SYT6: variants seen among roughly 807,000 people sequenced by gnomAD.
SYT6 encodes synaptotagmin-6.
SYT6 carries 24 observed loss-of-function variants against 38.4 expected under a neutral mutation model. The ratio of observed to expected loss-of-function variants is 0.62; its 90% CI spans 0.45 to 0.88. The LOEUF is 0.88. Ranked by LOEUF, SYT6 falls within the 40% of genes least tolerant of loss-of-function variation. The pLI is 0.00. For missense variants in SYT6, 611 were observed against 621.0 expected, an observed-to-expected ratio of 0.98 and a Z score of 0.17; for synonymous variants, 265 against 241.9, an observed-to-expected ratio of 1.10 and a Z score of -0.89.
chr1:114,111,597 C>T (rs1676679490), intron 3 of SYT6, among the ~76,000 whole-genome samples: 2 of 152,232 alleles, frequency 1.3e-5, no homozygotes, highest in Non-Finnish European at 2.9e-5. Flanking sequence ...GCCAGCTGTC[C>T]TGTCACCCCC....
chr1:114,129,538 CTTTTT>C (rs1365881859), intron 3 of SYT6, among the ~76,000 whole-genome samples: 1 of 149,550 alleles, frequency 6.7e-6, no homozygotes, highest in Non-Finnish European at 1.5e-5. Context: ...TTCTTTCTTT[CTTTTT>C]TTTCTGTCTT....
intron 1 of SYT6, among the ~76,000 whole-genome samples, chr1:114,143,600 C>G (rs1476383886): frequency 6.7e-6 from 1 of 150,028 alleles, no homozygotes; most frequent in East Asian, 1.9e-4. Context: ...TTTATATGCA[C>G]TGGGAAACCA....
In SYT6 at chr1:114,092,005, C is replaced by T. The variant is rs1386784482; in HGVS notation, c.*129G>A. 1.3e-6 allele frequency: 2 copies of T among 1,536,124 alleles called. No individual in the cohort carries two copies. Among genetic ancestry groups the T allele is most frequent in the East Asian group, 2.4e-5 (1 of 41,066 alleles). On this transcript the variant is annotated 3_prime_UTR_variant, in exon 8 of 8. Coordinates refer to ENST00000610222, the MANE Select transcript of SYT6 (RefSeq NM_001253772.2). ...GAGTCCCATTTGTGTTATTTGGCTG[C>T]ACATCTCATGGTGTTGGAGGTGGTT...
At chr1:114,124,384 G>T (rs1463538211) in intron 3 of SYT6, among the ~76,000 whole-genome samples, 2 of 152,186 alleles carry the variant, frequency 1.3e-5, no homozygotes, top group Non-Finnish European at 2.9e-5. Context: ...GCTGGGGCTG[G>T]ACAGAAGTCA....
intron 1 of SYT6, among the ~76,000 whole-genome samples, chr1:114,148,241 G>C (rs1002034709): frequency 6.6e-6 from 1 of 152,154 alleles, no homozygotes; most frequent in Non-Finnish European, 1.5e-5. Context: ...CATAGTGTTA[G>C]AATTCATCAG....
chr1:114,142,569 G>A (rs1266632057), intron 1 of SYT6, among the ~76,000 whole-genome samples: 1 of 152,226 alleles, frequency 6.6e-6, no homozygotes, highest in Non-Finnish European at 1.5e-5. Flanking sequence ...CAGGGGTTGA[G>A]AGGATTGACT....
chr1:114,153,812 C>G lies in SYT6; in HGVS notation c.-40G>C. Reference sequence around the variant, plus strand: ...GGCTTGCCGAGCAGCAGCTCGAACCCGCGCCCCGGCCGCACTGGGGCGGGG... The same window carrying G: ...GGCTTGCCGAGCAGCAGCTCGAACCGGCGCCCCGGCCGCACTGGGGCGGGG... On this transcript the variant is annotated 5_prime_UTR_variant, in exon 1 of 8. Transcript: ENST00000610222. 1.7e-6 allele frequency: 1 copy of G among 605,924 alleles called. No individual in the cohort carries two copies. Among genetic ancestry groups the G allele is most frequent in the South Asian group, 1.9e-5 (1 of 52,722 alleles). 37.5% of individuals were successfully genotyped at this position (605,924 alleles called of 1,614,324 possible).
intron 6 of SYT6, among the ~76,000 whole-genome samples, chr1:114,094,375 G>A (rs1675501595): frequency 6.6e-6 from 1 of 152,196 alleles, no homozygotes; most frequent in Non-Finnish European, 1.5e-5. Flanking sequence ...TTCCAACAGA[G>A]ATTTAACATC....
At chr1:114,137,423 G>A in intron 3 of SYT6, 72 bp downstream of exon 3, 1 of 1,515,456 alleles carries the variant, frequency 6.6e-7, no homozygotes, top group Non-Finnish European at 9.0e-7. Flanking sequence ...AGGAAGTGAG[G>A]GTTTGGGGAC....
chr1:114,113,856 A>T (rs1273644495), intron 3 of SYT6, among the ~76,000 whole-genome samples: 1 of 151,804 alleles, frequency 6.6e-6, no homozygotes, highest in Non-Finnish European at 1.5e-5. Context: ...CTTGTTTAAA[A>T]CCTCCAATGG....
intron 3 of SYT6, among the ~76,000 whole-genome samples, chr1:114,112,799 C>T (rs1371859237): frequency 6.6e-6 from 1 of 152,182 alleles, no homozygotes; most frequent in Non-Finnish European, 1.5e-5. Flanking sequence ...AATTTCTTGT[C>T]ACAAGTTGTC....
chr1:114,153,513 C>A, intron 1 of SYT6, 97 bp downstream of exon 1: 1 of 557,422 alleles, frequency 1.8e-6, no homozygotes, highest in Non-Finnish European at 3.2e-6. Flanking sequence ...CTGGGGAGTT[C>A]TCTCTAGGTT....
At chr1:114,138,975 C>T (rs937101018) in intron 2 of SYT6, among the ~76,000 whole-genome samples, 4 of 152,202 alleles carry the variant, frequency 2.6e-5, no homozygotes, top group Non-Finnish European at 2.9e-5. Flanking sequence ...ACCTAGGAGT[C>T]CATCAGAGCC....
At chr1:114,092,338 C>CTCTCTCTG (rs991723002) in intron 7 of SYT6, among the ~76,000 whole-genome samples, 2,025 of 128,480 alleles carry the variant, frequency 0.016, 69 homozygotes, top group African/African-American at 0.053. Flanking sequence ...CTCTCTCTCT[C>CTCTCTCTG]TGTGTGTGTG....
intron 1 of SYT6, among the ~76,000 whole-genome samples, chr1:114,153,243 C>G (rs917336088): frequency 2.6e-5 from 4 of 152,232 alleles, no homozygotes; most frequent in Admixed American, 1.3e-4. Context: ...GGGCGCCCCT[C>G]GTCTCCCGCT....
At chr1:114,100,264 G>A (rs1331628420) in intron 4 of SYT6, among the ~76,000 whole-genome samples, 1 of 152,168 alleles carries the variant, frequency 6.6e-6, no homozygotes, top group Non-Finnish European at 1.5e-5. Context: ...AATAGCTTTC[G>A]AGACGCTGAT....
intron 3 of SYT6, among the ~76,000 whole-genome samples, chr1:114,122,506 T>TGTGTGTGTGTGTGCCCGC (rs60780339): frequency 6.8e-6 from 1 of 147,288 alleles, no homozygotes; most frequent in Admixed American, 6.7e-5. Context: ...TGTGTGTGTG[T>TGTGTGTGTGTGTGCCCGC]GCGCGCACAT....
At chr1:114,123,815 G>A (rs1033509661) in intron 3 of SYT6, among the ~76,000 whole-genome samples, 3 of 152,334 alleles carry the variant, frequency 2.0e-5, no homozygotes, top group East Asian at 1.9e-4. Flanking sequence ...AAACAACACT[G>A]CCTCAGGGTC....
chr1:114,133,289 C>T (rs1678269186), intron 3 of SYT6, among the ~76,000 whole-genome samples: 1 of 152,122 alleles, frequency 6.6e-6, no homozygotes, highest in Admixed American at 6.5e-5. Flanking sequence ...ATTTATGGCC[C>T]CAGTTACAGC....
Sources: allele counts gnomAD v4.1 joint callset (sites outside exome capture counted in the v4.1 genomes callset), GRCh38; gene constraint gnomAD v4.1.1; transcripts MANE v1.5; gene names NCBI Gene and HGNC (gene_info 2026-07-23, HGNC 2026-07-21).